The following DLGAP2 variants were observed in gnomAD, a reference collection of about 807,000 sequenced individuals.
The protein encoded by DLGAP2 is DLG associated protein 2.
DLGAP2 carries 26 observed loss-of-function variants against 100.3 expected under a neutral mutation model. The ratio of observed to expected loss-of-function variants is 0.26; its 90% CI spans 0.19 to 0.36. The LOEUF is 0.36. Ranked by LOEUF, DLGAP2 falls within the 10% of genes least tolerant of loss-of-function variation. The pLI, the probability that DLGAP2 is intolerant of heterozygous loss-of-function variation, is 1.00. For missense variants in DLGAP2, 1,858 were observed against 1,453.2 expected, an observed-to-expected ratio of 1.28 and a Z score of -4.53; for synonymous variants, 886 against 630.1, an observed-to-expected ratio of 1.41 and a Z score of -6.08.
intron 1 of DLGAP2, among the ~76,000 whole-genome samples, chr8:772,689 A>G (rs570260482): frequency 2.1e-4 from 32 of 152,194 alleles, no homozygotes; most frequent in Non-Finnish European, 3.8e-4. Context: ...TATTTGAGAC[A>G]CTTGCAGCCC....
At chr8:1,617,872 A>G (rs1005451768) in intron 6 of DLGAP2, among the ~76,000 whole-genome samples, 3 of 152,372 alleles carry the variant, frequency 2.0e-5, no homozygotes, top group East Asian at 1.9e-4. Flanking sequence ...GAACAAGTAT[A>G]TGAATAGGAC....
rs963253036 is a variant in DLGAP2, at chr8:783,267, G to T, written c.18+45442G>T. Reference sequence around the variant, plus strand: ...TCAGAAATACTACAGAGAATGGTTTGCCTGCACTCTGTTCCCTTGGAAACT... The same window carrying T: ...TCAGAAATACTACAGAGAATGGTTTTCCTGCACTCTGTTCCCTTGGAAACT... On this transcript the variant is annotated intron_variant, in intron 1 of 14. Transcript: ENST00000637795. Among the ~76,000 whole-genome samples the T allele has an allele frequency of 4.6e-5, 7 of 152,164 alleles. 1 individual carries two copies. In the South Asian group the frequency reaches 1.2e-3, roughly 27 times the overall value.
chr8:911,859 G>A (rs1246811271), intron 2 of DLGAP2, among the ~76,000 whole-genome samples: 1 of 152,222 alleles, frequency 6.6e-6, no homozygotes, highest in Non-Finnish European at 1.5e-5. Context: ...ACATTTCCCT[G>A]ACAGTGAGAT....
In DLGAP2 at chr8:1,182,430, C is replaced by G. The variant is rs144028560; in HGVS notation, c.74-76421C>G. Among the ~76,000 whole-genome samples, 684 of 152,312 alleles carry G rather than the reference C, an allele frequency of 4.5e-3. 4 individuals carry two copies. The highest frequency in any genetic ancestry group is 0.01 in the Middle Eastern group (3 of 294). ...AGGACCTGAGCGTGCATTTAATGCT[C>G]ACACGTGTGATGTCTGCATGAGATG... On this transcript the variant is annotated intron_variant, in intron 2 of 14. Transcript: ENST00000637795.
intron 2 of DLGAP2, among the ~76,000 whole-genome samples, chr8:989,189 G>C (rs931548632): frequency 9.9e-5 from 15 of 152,126 alleles, no homozygotes; most frequent in Admixed American, 1.3e-4. Context: ...GCACTTGGGG[G>C]GCTCTCCCGC....
chr8:923,891 A>C (rs1337699506), intron 2 of DLGAP2, among the ~76,000 whole-genome samples: 1 of 152,250 alleles, frequency 6.6e-6, no homozygotes, highest in African/African-American at 2.4e-5. Flanking sequence ...GCTGTGTGGC[A>C]GGCAGAAATG....
chr8:1,517,250 A>G (rs1035030780), intron 4 of DLGAP2, among the ~76,000 whole-genome samples: 3 of 152,284 alleles, frequency 2.0e-5, no homozygotes, highest in Middle Eastern at 3.4e-3. Context: ...GAAGAAGTCA[A>G]GCCCTCTGTG....
chr8:832,019 A>C (rs1036951482), intron 1 of DLGAP2, among the ~76,000 whole-genome samples: 1 of 152,152 alleles, frequency 6.6e-6, no homozygotes, highest in Non-Finnish European at 1.5e-5. Flanking sequence ...TCTTTTGAGA[A>C]GTGTCTGTTC....
At chr8:1,019,764 C>G (rs930525697) in intron 2 of DLGAP2, 1 of 152,152 alleles carries the variant, frequency 6.6e-6, no homozygotes, top group African/African-American at 2.4e-5. Context: ...TCTGCCCTCC[C>G]GCCGACCTAG....
chr8:1,587,019 C>A (rs186392127), intron 6 of DLGAP2, among the ~76,000 whole-genome samples: 40 of 152,272 alleles, frequency 2.6e-4, no homozygotes, highest in African/African-American at 8.9e-4. Context: ...TAGTTTAACC[C>A]CTGCCTCTGG....
At chr8:1,295,492 T>C (rs1364557995) in intron 3 of DLGAP2, among the ~76,000 whole-genome samples, 1 of 152,024 alleles carries the variant, frequency 6.6e-6, no homozygotes, top group African/African-American at 2.4e-5. Context: ...AAGCACACTC[T>C]CTGTCCACCG....
intron 6 of DLGAP2, among the ~76,000 whole-genome samples, chr8:1,586,735 C>G (rs1353607910): frequency 6.6e-6 from 1 of 152,212 alleles, no homozygotes; most frequent in Non-Finnish European, 1.5e-5. Context: ...TGCTGCGTGA[C>G]TTTAACATTA....
chr8:1,242,120 A>G (rs1798809817), intron 2 of DLGAP2, among the ~76,000 whole-genome samples: 1 of 152,224 alleles, frequency 6.6e-6, no homozygotes, highest in Non-Finnish European at 1.5e-5. Context: ...CATGGCAGGA[A>G]CAGAAATCCC....
At chr8:926,865 C>A (rs556814576) in intron 2 of DLGAP2, among the ~76,000 whole-genome samples, 3 of 152,234 alleles carry the variant, frequency 2.0e-5, no homozygotes, top group Admixed American at 6.5e-5. Flanking sequence ...CCTGGTGGGG[C>A]TCACAGCACT....
intron 4 of DLGAP2, among the ~76,000 whole-genome samples, chr8:1,529,589 C>G (rs1157252769): frequency 6.6e-6 from 1 of 152,054 alleles, no homozygotes; most frequent in Non-Finnish European, 1.5e-5. Context: ...GCTGTCAAAC[C>G]CAAGGCAGGG....
intron 3 of DLGAP2, among the ~76,000 whole-genome samples, chr8:1,431,352 C>T (rs534958786): frequency 3.3e-4 from 50 of 152,348 alleles, no homozygotes; most frequent in African/African-American, 1.2e-3. Flanking sequence ...TTCATCTGTT[C>T]ATTCATTGTG....
chr8:828,568 G>A (rs1243375914), intron 1 of DLGAP2, among the ~76,000 whole-genome samples: 8 of 152,122 alleles, frequency 5.3e-5, no homozygotes, highest in Admixed American at 5.2e-4. Context: ...AAACACACAT[G>A]CTGTACAATT....
chr8:1,696,573 C>T (rs1034260977), intron 13 of DLGAP2, among the ~76,000 whole-genome samples: 2 of 152,222 alleles, frequency 1.3e-5, no homozygotes, highest in African/African-American at 4.8e-5. Flanking sequence ...AAACCAAGCA[C>T]GTCTCTGGGC....
chr8:1,238,539 T>G (rs1798715947), intron 2 of DLGAP2, among the ~76,000 whole-genome samples: 1 of 112,700 alleles, frequency 8.9e-6, no homozygotes, highest in East Asian at 2.5e-4. Context: ...TGTCTGGTTC[T>G]CTCACATGGT....
Sources: gnomAD v4.1 joint callset for allele counts (sites outside exome capture counted in the v4.1 genomes callset) on GRCh38, gnomAD v4.1.1 for gene constraint, MANE v1.5 for transcripts, NCBI Gene and HGNC (gene_info 2026-07-23, HGNC 2026-07-21) for gene names.